Variants in ARAP2 observed in about 807,000 individuals in gnomAD.
The protein encoded by ARAP2 is arf-GAP with Rho-GAP domain, ANK repeat and PH domain-containing protein 2.
ARAP2 carries 148 observed loss-of-function variants against 194.5 expected under a neutral mutation model. The observed-to-expected ratio is 0.76, with a 90% CI of 0.67 to 0.87. The LOEUF (loss-of-function observed/expected upper bound fraction) is 0.87, where lower values mean the gene tolerates loss of function less well. Among genes scored for constraint, ARAP2 ranks in the 40% least tolerant of loss-of-function variants. ARAP2 has a pLI of 0.00. For synonymous variants in ARAP2, 695 were observed against 683.5 expected, an observed-to-expected ratio of 1.02 and a Z score of -0.26; for missense variants, 2,128 against 1,989.7, an observed-to-expected ratio of 1.07 and a Z score of -1.32.
At position 36,158,859 on chromosome 4, in the gene ARAP2, G is replaced by T. The variant is rs777986734; in HGVS notation, c.2623C>A (p.Pro875Thr). 21 of 1,577,290 alleles carry T rather than the reference G, an allele frequency of 1.3e-5. No individual in the cohort carries two copies. The highest frequency in any genetic ancestry group is 2.0e-5 in the Admixed American group (1 of 50,614). The stretch of plus-strand genomic sequence containing the variant: ...CCCTCGGAATGAATATCATGTTGAG[G>T]GAAATCTAGAAAAATTAAAGAAATA... ...FLYHNKFSDF[P>T]QHDIHSEGVL... The change falls in exon 15 of 33, where the codon CCT becomes ACT. Residue 875 changes from proline (P) to threonine (T), a missense_variant. Pro to Thr is a conservative substitution (Grantham distance 38). Transcript: ENST00000303965.
At chr4:36,117,216 C>A in intron 24 of ARAP2, 81 bp from the exon 25 acceptor site, 2 of 939,534 alleles carry the variant, frequency 2.1e-6, no homozygotes, top group Non-Finnish European at 3.0e-6. Context: ...AGCTATAAAG[C>A]CCCAGTCATA....
chr4:36,042,180 TA>T (rs1000381530), intron 5 of ARAP2, among the ~76,000 whole-genome samples: 28 of 151,736 alleles, frequency 1.8e-4, no homozygotes, highest in Non-Finnish European at 3.5e-4. Context: ...AAATGAAAGT[TA>T]AAAAAAACAG....
chr4:36,036,968 A>G (rs1720034718), intron 5 of ARAP2, among the ~76,000 whole-genome samples: 1 of 152,118 alleles, frequency 6.6e-6, no homozygotes, highest in Non-Finnish European at 1.5e-5. Flanking sequence ...TCATGTGATA[A>G]CCCATTGGAT....
At chr4:36,148,748 A>C (rs530010125) in intron 16 of ARAP2, among the ~76,000 whole-genome samples, 2 of 152,328 alleles carry the variant, frequency 1.3e-5, no homozygotes, top group South Asian at 4.1e-4. Flanking sequence ...AACTTTGTTT[A>C]TGCCCTGGAC....
In ARAP2 at chr4:36,147,762, C is replaced by T. The variant is rs761575215; in HGVS notation, c.3001-16G>A. The T allele has an allele frequency of 1.8e-5, 28 of 1,575,666 alleles. No individual in the cohort carries two copies. In the East Asian group the frequency reaches 5.7e-4, roughly 32 times the overall value. ...GAACAAAATGCTGTTAAAACAAATA[C>T]AAAAAAGTAATAAAGACAGTGAAAA... is the stretch of plus-strand genomic sequence containing the variant. On this transcript the variant is annotated splice_polypyrimidine_tract_variant and intron_variant, in intron 17 of 32. Transcript: ENST00000303965.
rs73806456 is a variant in ARAP2, at chr4:36,108,421, C to T, written c.4157-728G>A. On this transcript the variant is annotated intron_variant, in intron 26 of 32. Transcript: ENST00000303965. ...ATAGCTAATATTTTCATAATCAATA[C>T]AAAATTATAAAATGTAACTTCTATA... 5.7e-3 allele frequency among the ~76,000 whole-genome samples: 860 copies of T among 151,824 alleles called. 9 individuals carry two copies. Among genetic ancestry groups the T allele is most frequent in the African/African-American group, 0.02 (812 of 41,456 alleles).
chr4:36,066,224 CTCTT>C lies in ARAP2; in HGVS notation c.*1679_*1682del, dbSNP rs1277634271. ...TCACCAAATATTAATTTCCACATACCTCTTTATTTCATAAAAATATAAATATTTA... is the reference window on the plus strand; with the variant it reads ...TCACCAAATATTAATTTCCACATACCTATTTCATAAAAATATAAATATTTA... On this transcript the variant is annotated 3_prime_UTR_variant, in exon 33 of 33. Coordinates refer to ENST00000303965, the MANE Select transcript of ARAP2 (RefSeq NM_015230.4). 6 of 152,054 alleles carry C rather than the reference CTCTT, an allele frequency of 3.9e-5. No homozygotes were observed. The highest frequency in any genetic ancestry group is 7.4e-5 in the Non-Finnish European group (5 of 68,010). The allele number at this position is 152,054 out of a possible 1,614,324, so 9.4% of individuals were successfully genotyped here.
intron 24 of ARAP2, among the ~76,000 whole-genome samples, chr4:36,119,300 C>G (rs1401503885): frequency 1.3e-5 from 2 of 151,530 alleles, no homozygotes; most frequent in South Asian, 2.1e-4. Context: ...GAAAGAATCA[C>G]TAGGCTGTCT....
At position 36,177,807 on chromosome 4, in the gene ARAP2, A is replaced by G. The variant is rs780768881; in HGVS notation, c.1857+20T>C. ...TATAATAAAATAGCAGCAATTTGCAATGACTATAACAGAGCTCACCTGTTC... is the reference window on the plus strand; with the variant it reads ...TATAATAAAATAGCAGCAATTTGCAGTGACTATAACAGAGCTCACCTGTTC... On this transcript the variant is annotated intron_variant, in intron 9 of 32. Transcript: ENST00000303965. The G allele has an allele frequency of 1.7e-5, 26 of 1,536,226 alleles. No individual in the cohort carries two copies. The highest frequency in any genetic ancestry group is 2.2e-5 in the Admixed American group (1 of 44,654).
At chr4:36,051,848 C>G (rs532977095) in intron 3 of ARAP2, among the ~76,000 whole-genome samples, 11 of 152,184 alleles carry the variant, frequency 7.2e-5, no homozygotes, top group Non-Finnish European at 1.3e-4. Flanking sequence ...TTTCTTCAGG[C>G]AATTCAAATG....
intron 30 of ARAP2, among the ~76,000 whole-genome samples, chr4:36,080,525 A>G (rs954688234): frequency 1.3e-5 from 2 of 152,226 alleles, no homozygotes; most frequent in Non-Finnish European, 2.9e-5. Context: ...TAAGTGCTGC[A>G]AAATGATGAC....
intron 13 of ARAP2, chr4:36,159,990 G>A (rs570610630): frequency 2.9e-5 from 21 of 720,578 alleles, no homozygotes; most frequent in Non-Finnish European, 3.6e-5. Flanking sequence ...TTCCCCTCAG[G>A]GGCCGAGGAT....
intron 5 of ARAP2, among the ~76,000 whole-genome samples, chr4:36,021,294 TA>T (rs1365449924): frequency 6.6e-6 from 1 of 152,136 alleles, no homozygotes; most frequent in African/African-American, 2.4e-5. Context: ...CATAATTTTT[TA>T]AAAAAATCAT....
At chr4:36,014,111 C>T (rs552078432) in intron 8 of ARAP2, among the ~76,000 whole-genome samples, 1 of 151,486 alleles carries the variant, frequency 6.6e-6, no homozygotes, top group South Asian at 2.1e-4. Flanking sequence ...GCCTGTAGTG[C>T]CAGCTACTTG....
Position 36,210,650 on chromosome 4 carries a change from A to C in ARAP2, c.1227T>G (p.Thr409=). Residue 409 remains threonine, a synonymous_variant, in exon 6 of 33, where the codon ACT becomes ACG. Transcript: ENST00000303965. ...REDKNNFLID[T]ASESEYSTVE... ...CTGTTGAGTATTCTGATTCAGAAGC[A>C]GTGTCTATCAAAAAATTGTTTTTGT... 1 of 1,613,774 alleles carries C rather than the reference A, an allele frequency of 6.2e-7. No individual in the cohort carries two copies. The highest frequency in any genetic ancestry group is 8.5e-7 in the Non-Finnish European group (1 of 1,179,848).
intron 8 of ARAP2, among the ~76,000 whole-genome samples, chr4:36,186,502 C>T (rs967557306): frequency 1.3e-5 from 2 of 152,164 alleles, no homozygotes; most frequent in African/African-American, 2.4e-5. Flanking sequence ...TGTGCCTGTG[C>T]GGTCAGCTAA....
At chr4:36,115,840 G>C (rs190012721) in intron 25 of ARAP2, among the ~76,000 whole-genome samples, 1 of 152,076 alleles carries the variant, frequency 6.6e-6, no homozygotes, top group African/African-American at 2.4e-5. Flanking sequence ...TTTCTAAAGA[G>C]CATTTGGAGT....
intron 15 of ARAP2, among the ~76,000 whole-genome samples, chr4:36,153,935 A>G (rs961522038): frequency 6.6e-6 from 1 of 152,166 alleles, no homozygotes. Flanking sequence ...TTTCACTGGC[A>G]CATAACAGTT....
At chr4:36,214,940 G>A (rs1046158042) in intron 2 of ARAP2, among the ~76,000 whole-genome samples, 28 of 152,188 alleles carry the variant, frequency 1.8e-4, no homozygotes, top group African/African-American at 6.7e-4. Context: ...GTCTGGCTCT[G>A]TAGACACAAT....
Sources: allele counts gnomAD v4.1 joint callset (sites outside exome capture counted in the v4.1 genomes callset), GRCh38; gene constraint gnomAD v4.1.1; transcripts MANE v1.5; gene names NCBI Gene and HGNC (gene_info 2026-07-23, HGNC 2026-07-21).